NEO1: variants seen among roughly 807,000 people sequenced by gnomAD.
NEO1 encodes the protein neogenin.
Under a neutral mutation model 159.7 loss-of-function variants are expected in NEO1, and 63 were observed. The ratio of observed to expected loss-of-function variants is 0.39; its 90% CI spans 0.32 to 0.49. The LOEUF (loss-of-function observed/expected upper bound fraction) is 0.49, where lower values mean the gene tolerates loss of function less well. Among genes scored for constraint, NEO1 ranks in the 20% least tolerant of loss-of-function variants. The probability of loss-of-function intolerance (pLI) is 0.85; values close to 1 mark genes in which losing one functional copy is unlikely to be tolerated. For missense variants in NEO1, 1,615 were observed against 1,831.0 expected, an observed-to-expected ratio of 0.88 and a Z score of 2.15; for synonymous variants, 633 against 662.0, an observed-to-expected ratio of 0.96 and a Z score of 0.67.
intron 7 of NEO1, among the ~76,000 whole-genome samples, chr15:73,225,816 C>T (rs1219231481): frequency 6.6e-6 from 1 of 152,146 alleles, no homozygotes; most frequent in African/African-American, 2.4e-5. Flanking sequence ...AGGGTTCTCC[C>T]CAGCTTCAAA....
intron 15 of NEO1, among the ~76,000 whole-genome samples, chr15:73,264,564 A>G (rs932795827): frequency 8.5e-5 from 13 of 152,348 alleles, no homozygotes; most frequent in Admixed American, 2.0e-4. Flanking sequence ...TTAATGCAGC[A>G]TAAAGTAAAA....
intron 21 of NEO1, 72 bp downstream of exon 21, chr15:73,274,796 CTTTTTTTTT>C: frequency 9.3e-7 from 1 of 1,074,116 alleles, no homozygotes; most frequent in Non-Finnish European, 1.3e-6. Flanking sequence ...GTTTTTGTTT[CTTTTTTTTT>C]TTTTTTTCCT....
At chr15:73,210,774 G>A (rs1052697030) in intron 7 of NEO1, among the ~76,000 whole-genome samples, 41 of 152,112 alleles carry the variant, frequency 2.7e-4, no homozygotes, top group Non-Finnish European at 3.8e-4. Flanking sequence ...GTCTAGTTTT[G>A]TATAATCAAG....
upstream of NEO1, among the ~76,000 whole-genome samples, chr15:73,052,130 G>A (rs1209509549): frequency 6.7e-6 from 1 of 150,320 alleles, no homozygotes; most frequent in Non-Finnish European, 1.5e-5. Flanking sequence ...AGCGCCCGGC[G>A]CGCGCGCCCC....
rs1169192903 is a variant in NEO1, at chr15:73,273,700, T to A, written c.2966-111T>A. 1.2e-5 allele frequency: 9 copies of A among 777,508 alleles called. No individual in the cohort carries two copies. In the East Asian group the frequency reaches 1.9e-4, roughly 17 times the overall value. The allele number at this position is 777,508 out of a possible 1,614,324, so 48.2% of individuals were successfully genotyped here. On this transcript the variant is annotated intron_variant, in intron 19 of 28. Transcript: ENST00000261908. The stretch of plus-strand genomic sequence containing the variant: ...TTGTAGACCCTTGAGGGTACATTAT[T>A]CAAATATTATGCTATAATATTCATA...
intron 7 of NEO1, among the ~76,000 whole-genome samples, chr15:73,221,351 C>T (rs2038247884): frequency 6.6e-6 from 1 of 152,188 alleles, no homozygotes; most frequent in South Asian, 2.1e-4. Context: ...AGGGTGCCTC[C>T]CAGTTAGGCT....
chr15:73,101,704 TG>T, intron 1 of NEO1, among the ~76,000 whole-genome samples: 1 of 152,316 alleles, frequency 6.6e-6, no homozygotes, highest in South Asian at 2.1e-4. Flanking sequence ...TCATCGATTT[TG>T]TCCAGTTTTT....
intron 3 of NEO1, among the ~76,000 whole-genome samples, chr15:73,124,411 A>G (rs1014185402): frequency 2.6e-5 from 4 of 152,062 alleles, no homozygotes; most frequent in Non-Finnish European, 5.9e-5. Context: ...AAAACTCCCT[A>G]ATGGTTTTCC....
intron 5 of NEO1, among the ~76,000 whole-genome samples, chr15:73,141,464 GT>G (rs908624574): frequency 1.3e-5 from 2 of 152,132 alleles, no homozygotes; most frequent in Admixed American, 1.3e-4. Flanking sequence ...GGTCATGAGG[GT>G]TTTTTAAAAC....
chr15:73,248,009 C>T (rs1037759300), intron 9 of NEO1, among the ~76,000 whole-genome samples: 3 of 152,274 alleles, frequency 2.0e-5, no homozygotes, highest in East Asian at 3.9e-4. Flanking sequence ...GTACTCGACT[C>T]CTGGGTCCAC....
chr15:73,189,933 C>A (rs192173495), intron 7 of NEO1, among the ~76,000 whole-genome samples: 1 of 152,170 alleles, frequency 6.6e-6, no homozygotes, highest in East Asian at 1.9e-4. Context: ...TATGCATTTT[C>A]GGTAACAGCA....
Position 73,278,169 on chromosome 15 carries a change from C to G in NEO1, c.3232C>G (p.Leu1078Val), listed in dbSNP as rs751011942. ...AGGGAAAGGAAGCCGGCTGCCAGAC[C>G]TAGGATCCGACTACAAACCTCCAAT... Reference protein sequence around the residue: ...SGGKGSRLPDLGSDYKPPMSG... With the variant: ...SGGKGSRLPDVGSDYKPPMSG... The change falls in exon 22 of 29, where the codon CTA (leucine) becomes GTA (valine). Residue 1078 changes from leucine to valine, a missense_variant. Coordinates refer to ENST00000261908, the MANE Select transcript of NEO1 (RefSeq NM_002499.4). 1 of 1,613,244 alleles carries G rather than the reference C, an allele frequency of 6.2e-7. No homozygotes were observed. Among genetic ancestry groups the G allele is most frequent in the East Asian group, 2.2e-5 (1 of 44,874 alleles).
intron 5 of NEO1, among the ~76,000 whole-genome samples, chr15:73,145,887 G>A (rs902191058): frequency 3.9e-5 from 6 of 152,146 alleles, no homozygotes; most frequent in African/African-American, 1.4e-4. Context: ...AGCAGAGAGA[G>A]AACTGGATTC....
intron 7 of NEO1, among the ~76,000 whole-genome samples, chr15:73,217,965 T>C (rs528981582): frequency 6.6e-6 from 1 of 151,872 alleles, no homozygotes; most frequent in Non-Finnish European, 1.5e-5. Flanking sequence ...AACACTATGT[T>C]GAATAGGAGT....
At chr15:73,169,684 T>A (rs535020021) in intron 5 of NEO1, among the ~76,000 whole-genome samples, 196 of 148,046 alleles carry the variant, frequency 1.3e-3, no homozygotes, top group African/African-American at 4.6e-3. Flanking sequence ...TTTTGCTGTG[T>A]TTTCCAGAGT....
rs774542966 is a variant in NEO1 at position 73,302,976 on chromosome 15, C to T, written c.*280C>T. The T allele has an allele frequency of 8.0e-6, 3 of 373,632 alleles. No homozygotes were observed. The highest frequency in any genetic ancestry group is 1.5e-5 in the Non-Finnish European group (3 of 198,868). The allele number at this position is 373,632 out of a possible 1,614,324, so 23.1% of individuals were successfully genotyped here. On this transcript the variant is annotated 3_prime_UTR_variant, in exon 29 of 29. Coordinates refer to ENST00000261908, the MANE Select transcript of NEO1 (RefSeq NM_002499.4). ...CAAAATTTTGTGTCCAGGGAAGAGG[C>T]GAGAAGTGCAACCTGCATTTCACTT...
chr15:73,269,377 C>G (rs555277390), intron 16 of NEO1, among the ~76,000 whole-genome samples: 1 of 152,060 alleles, frequency 6.6e-6, no homozygotes, highest in Admixed American at 6.5e-5. Context: ...TTTTTGTTTT[C>G]TGAGACAGAG....
At chr15:73,196,307 A>G (rs527770150) in intron 7 of NEO1, among the ~76,000 whole-genome samples, 7 of 152,318 alleles carry the variant, frequency 4.6e-5, no homozygotes, top group Non-Finnish European at 7.4e-5. Context: ...TGTTCATTTT[A>G]TTTTATAACT....
intron 23 of NEO1, among the ~76,000 whole-genome samples, chr15:73,283,604 G>A (rs893781152): frequency 3.9e-5 from 6 of 152,192 alleles, no homozygotes; most frequent in South Asian, 2.1e-4. Flanking sequence ...ATACCCAGCT[G>A]GAAGCCAGGA....
Sources: gnomAD v4.1 joint callset for allele counts (sites outside exome capture counted in the v4.1 genomes callset) on GRCh38, gnomAD v4.1.1 for gene constraint, MANE v1.5 for transcripts, NCBI Gene and HGNC (gene_info 2026-07-23, HGNC 2026-07-21) for gene names.